The following DMGDH variants were observed in gnomAD, a reference collection of about 807,000 sequenced individuals.
The protein encoded by DMGDH is dimethylglycine dehydrogenase.
A neutral mutation model predicts 95.2 loss-of-function variants in DMGDH; 76 were observed. That is an observed-to-expected ratio of 0.80 (90% confidence interval 0.66 to 0.97). DMGDH has a LOEUF of 0.97. Ranked by LOEUF, DMGDH falls within the 50% of genes least tolerant of loss-of-function variation. The pLI is 0.00. For synonymous variants in DMGDH, 345 were observed against 377.6 expected, an observed-to-expected ratio of 0.91 and a Z score of 1.00; for missense variants, 987 against 1,055.0, an observed-to-expected ratio of 0.94 and a Z score of 0.89.
chr5:79,049,291 A>T (rs938540659), intron 5 of DMGDH, among the ~76,000 whole-genome samples: 7 of 152,226 alleles, frequency 4.6e-5, no homozygotes, highest in Non-Finnish European at 1.0e-4. Context: ...AATGTATTAC[A>T]ATGACAATTC....
At chr5:79,012,772 C>T (rs2112605085) in intron 14 of DMGDH, among the ~76,000 whole-genome samples, 1 of 152,336 alleles carries the variant, frequency 6.6e-6, no homozygotes, top group African/African-American at 2.4e-5. Flanking sequence ...TACTAGGGCT[C>T]ATTTGAGTCA....
chr5:79,022,133 T>G (rs1753884804), intron 14 of DMGDH, among the ~76,000 whole-genome samples: 1 of 152,242 alleles, frequency 6.6e-6, no homozygotes, highest in South Asian at 2.1e-4. Flanking sequence ...TTCAAACAAT[T>G]GTAAAATGCC....
At position 79,044,305 on chromosome 5, in the gene DMGDH, T is replaced by C. The variant is rs1754602513; in HGVS notation, c.993A>G (p.Pro331=). 1 of 1,614,228 alleles carries C rather than the reference T, an allele frequency of 6.2e-7. No homozygotes were observed. The highest frequency in any genetic ancestry group is 1.3e-5 in the African/African-American group (1 of 75,082). The change falls in exon 6 of 16, where the codon CCA becomes CCG. Residue 331 remains proline (P), a splice_region_variant and synonymous_variant. Transcript: ENST00000255189. ...QDSWVTNGVP[P]GFGKELFESD... is the part of the protein sequence containing the mutation. ...CACACTTTCATTTGCTGAACCCACC[T>C]GGAGGAACTCCATTGGTGACCCAGG... is the stretch of plus-strand genomic sequence containing the variant.
At position 79,024,398 on chromosome 5, in the gene DMGDH, T is replaced by A. The variant is rs552351872; in HGVS notation, c.2191-68A>T. 2.8e-6 allele frequency: 4 copies of A among 1,425,394 alleles called. No individual in the cohort carries two copies. The South Asian group carries it at 4.6e-5, about 16-fold the overall frequency. 88.3% of individuals were successfully genotyped at this position (1,425,394 alleles called of 1,614,324 possible). On this transcript the variant is annotated intron_variant, in intron 13 of 15. Coordinates refer to ENST00000255189, the MANE Select transcript of DMGDH (RefSeq NM_013391.3). ...TCATTTTGGTAACATCACTTTCATATTTGTTTTTAGGAGAAAGAACCCTTT... is the reference window on the plus strand; with the variant it reads ...TCATTTTGGTAACATCACTTTCATAATTGTTTTTAGGAGAAAGAACCCTTT...
intron 15 of DMGDH, chr5:79,000,448 G>A (rs1753434697): frequency 5.0e-5 from 31 of 619,584 alleles, no homozygotes; most frequent in South Asian, 4.3e-4. Flanking sequence ...CACCTGTTTG[G>A]GACAAACTAC....
chr5:79,054,159 G>A (rs765918047), intron 4 of DMGDH, 25 bp downstream of exon 4: 4 of 1,611,636 alleles, frequency 2.5e-6, no homozygotes, highest in Non-Finnish European at 3.4e-6. Flanking sequence ...TCAACAAATG[G>A]TAAAAATGCC....
chr5:79,039,821 G>A (rs1456060440), intron 7 of DMGDH, among the ~76,000 whole-genome samples: 1 of 152,134 alleles, frequency 6.6e-6, no homozygotes, highest in Non-Finnish European at 1.5e-5. Context: ...AATCAATCAT[G>A]CCTATGCAAT....
chr5:78,998,416 C>A, intron 15 of DMGDH, 119 bp from the exon 16 acceptor site: 1 of 940,834 alleles, frequency 1.1e-6, no homozygotes, highest in Non-Finnish European at 1.7e-6. Context: ...TTATGAAGTG[C>A]TGTCTGGGGG....
chr5:79,054,266 C>T lies in DMGDH; in HGVS notation c.458G>A (p.Arg153Gln), dbSNP rs145775047. 8.7e-5 allele frequency: 141 copies of T among 1,614,002 alleles called. No individual in the cohort carries two copies. Among genetic ancestry groups the T allele is most frequent in the African/African-American group, 7.2e-4 (54 of 74,988 alleles). ...RVDEFKYQMT[R>Q]TGWHATEQYL... ...CTGTTCTGTTGCATGCCAGCCAGTC[C>T]GAGTCATTTGATATTTAAATTCATC... is the stretch of plus-strand genomic sequence containing the variant. Residue 153 changes from arginine (R) to glutamine (Q), a missense_variant, in exon 4 of 16, where the codon CGG becomes CAG. Arg to Gln is a conservative substitution (Grantham distance 43, BLOSUM62 1). Transcript: ENST00000255189.
rs569512342 is a variant in DMGDH at position 79,027,210 on chromosome 5, C to T, written c.2033-629G>A. ...TTTTTGTCTTGTTTTTTTGTTGAGA[C>T]AGGGTCTCACTATGTTGCCCAGGCT... On this transcript the variant is annotated intron_variant, in intron 12 of 15. Coordinates refer to ENST00000255189, the MANE Select transcript of DMGDH (RefSeq NM_013391.3). Among the ~76,000 whole-genome samples the T allele has an allele frequency of 6.4e-4, 98 of 152,188 alleles. 1 individual carries two copies. The highest frequency in any genetic ancestry group is 6.8e-3 in the Middle Eastern group (2 of 294).
intron 1 of DMGDH, among the ~76,000 whole-genome samples, chr5:79,065,037 A>C (rs1008127398): frequency 4.6e-5 from 7 of 151,932 alleles, no homozygotes; most frequent in Non-Finnish European, 8.8e-5. Flanking sequence ...GGCATGAGCC[A>C]CTGTGCCTGG....
At chr5:79,026,633 T>A in intron 12 of DMGDH, 52 bp from the exon 13 acceptor site, 1 of 1,612,064 alleles carries the variant, frequency 6.2e-7, no homozygotes, top group Non-Finnish European at 8.5e-7. Flanking sequence ...GATCACTAGA[T>A]CTAATGTGCA....
intron 5 of DMGDH, among the ~76,000 whole-genome samples, chr5:79,049,502 A>T (rs918483399): frequency 1.3e-5 from 2 of 152,200 alleles, no homozygotes; most frequent in African/African-American, 4.8e-5. Flanking sequence ...CAGGTGCTGG[A>T]TGTGGAAGTC....
chr5:79,060,770 T>G (rs1278915062), intron 2 of DMGDH, among the ~76,000 whole-genome samples: 2 of 151,412 alleles, frequency 1.3e-5, no homozygotes, highest in Admixed American at 6.6e-5. Flanking sequence ...AATACAAAAA[T>G]TAGCTGGGTG....
intron 14 of DMGDH, among the ~76,000 whole-genome samples, chr5:79,013,167 A>C: frequency 6.6e-6 from 1 of 152,224 alleles, no homozygotes; most frequent in East Asian, 1.9e-4. Flanking sequence ...AGAAGTAGCC[A>C]GGCCACATCT....
At chr5:79,024,454 G>A in intron 13 of DMGDH, 124 bp from the exon 14 acceptor site, 1 of 922,210 alleles carries the variant, frequency 1.1e-6, no homozygotes, top group Non-Finnish European at 1.7e-6. Flanking sequence ...CTAAAGAAAG[G>A]CAAACTATAG....
Position 79,031,009 on chromosome 5 carries a change from ACATTTAGTGT to A in DMGDH, c.1518-21_1518-12del, listed in dbSNP as rs1182583039. On this transcript the variant is annotated splice_polypyrimidine_tract_variant and intron_variant, in intron 9 of 15. Transcript: ENST00000255189. ...CGGCGAAAACTTGGCCTGAAACACAACATTTAGTGTCATAAAACAACTCCCGTTCATTTTT... is the reference window on the plus strand; with the variant it reads ...CGGCGAAAACTTGGCCTGAAACACAACATAAAACAACTCCCGTTCATTTTT... 1 of 1,614,198 alleles carries A rather than the reference ACATTTAGTGT, an allele frequency of 6.2e-7. No homozygotes were observed. Among genetic ancestry groups the A allele is most frequent in the Non-Finnish European group, 8.5e-7 (1 of 1,180,032 alleles).
At position 79,041,915 on chromosome 5, in the gene DMGDH, G is replaced by A. The variant is rs144624238; in HGVS notation, c.1193+368C>T. 6.1e-3 allele frequency among the ~76,000 whole-genome samples: 934 copies of A among 152,216 alleles called. 8 individuals carry two copies. Among genetic ancestry groups the A allele is most frequent in the African/African-American group, 0.021 (877 of 41,524 alleles). On this transcript the variant is annotated intron_variant, in intron 7 of 15. Coordinates refer to ENST00000255189, the MANE Select transcript of DMGDH (RefSeq NM_013391.3). ...CTGAGGAGGCTGAGGCAGGAGAATC[G>A]CTTGAACCCAGGAGGCAGAAGTCGC...
intron 15 of DMGDH, 91 bp from the exon 16 acceptor site, chr5:78,998,388 A>T: frequency 2.3e-6 from 3 of 1,298,804 alleles, no homozygotes; most frequent in Non-Finnish European, 3.3e-6. Context: ...TACAGATTCA[A>T]CTTACAAAAT....
Sources: allele counts gnomAD v4.1 joint callset (sites outside exome capture counted in the v4.1 genomes callset), GRCh38; gene constraint gnomAD v4.1.1; transcripts MANE v1.5; gene names NCBI Gene and HGNC (gene_info 2026-07-23, HGNC 2026-07-21).